The following DIP2C variants were observed in gnomAD, a reference collection of about 807,000 sequenced individuals.
DIP2C encodes disco-interacting protein 2 homolog C.
DIP2C carries 33 observed loss-of-function variants against 192.4 expected under a neutral mutation model. That is an observed-to-expected ratio of 0.17 (90% confidence interval 0.13 to 0.23). DIP2C has a LOEUF of 0.23. Among genes scored for constraint, DIP2C ranks in the 10% least tolerant of loss-of-function variants. The pLI is 1.00. For synonymous variants in DIP2C, 979 were observed against 864.1 expected (o/e 1.13, Z -2.33); for missense variants, 1,537 against 2,110.1 (o/e 0.73, Z 5.32).
intron 1 of DIP2C, among the ~76,000 whole-genome samples, chr10:579,721 T>C (rs1192779782): frequency 1.3e-5 from 2 of 151,990 alleles, no homozygotes; most frequent in African/African-American, 2.4e-5. Flanking sequence ...CACACATCCA[T>C]ATCAATACAG....
At chr10:414,963 A>G (rs1255947222) in intron 7 of DIP2C, among the ~76,000 whole-genome samples, 2 of 142,604 alleles carry the variant, frequency 1.4e-5, no homozygotes, top group Non-Finnish European at 3.0e-5. Context: ...GCTGGTCTCG[A>G]ACTCCCAGGC....
chr10:419,853 G>GT (rs1966058913), intron 5 of DIP2C, among the ~76,000 whole-genome samples: 5 of 152,290 alleles, frequency 3.3e-5, no homozygotes, highest in African/African-American at 1.2e-4. Context: ...TAAGGCCAAT[G>GT]AGCGCGTGGA....
At chr10:344,767 G>C (rs368232992) in intron 28 of DIP2C, 42 bp downstream of exon 28, 1 of 1,526,458 alleles carries the variant, frequency 6.6e-7, no homozygotes, top group East Asian at 2.4e-5. Context: ...AGCACGCTCC[G>C]CAGTTGCCTC....
intron 1 of DIP2C, among the ~76,000 whole-genome samples, chr10:678,496 G>A (rs1001186163): frequency 4.0e-5 from 6 of 151,896 alleles, no homozygotes; most frequent in African/African-American, 9.7e-5. Context: ...CCCAGCACCC[G>A]TCCTCCCCGC....
chr10:428,188 C>CTAAGATCA (rs1966719858), intron 4 of DIP2C, among the ~76,000 whole-genome samples: 1 of 152,154 alleles, frequency 6.6e-6, no homozygotes, highest in South Asian at 2.1e-4. Flanking sequence ...TCATAAAAAA[C>CTAAGATCA]TAAAAACCAT....
chr10:545,010 C>T (rs1347751662), intron 1 of DIP2C, among the ~76,000 whole-genome samples: 1 of 152,070 alleles, frequency 6.6e-6, no homozygotes, highest in East Asian at 1.9e-4. Flanking sequence ...GGATTCTCCC[C>T]TAAGGGTGTA....
At chr10:607,668 A>G (rs1442200073) in intron 1 of DIP2C, among the ~76,000 whole-genome samples, 2 of 152,204 alleles carry the variant, frequency 1.3e-5, no homozygotes, top group Non-Finnish European at 2.9e-5. Flanking sequence ...CAAACGATGC[A>G]ATGAGTGTGA....
At chr10:472,307 G>C (rs1970694744) in intron 3 of DIP2C, 132 bp downstream of exon 3, 1 of 709,304 alleles carries the variant, frequency 1.4e-6, no homozygotes, top group African/African-American at 1.8e-5. Flanking sequence ...TGTCCGTGCA[G>C]AAAGCTGGAG....
intron 3 of DIP2C, among the ~76,000 whole-genome samples, chr10:468,887 TC>T (rs1409789459): frequency 2.0e-5 from 3 of 152,240 alleles, no homozygotes; most frequent in Non-Finnish European, 4.4e-5. Context: ...AGGACTGTCT[TC>T]CTAATCGTTC....
intron 1 of DIP2C, among the ~76,000 whole-genome samples, chr10:654,447 T>C (rs1436262706): frequency 1.3e-5 from 2 of 152,216 alleles, no homozygotes; most frequent in African/African-American, 2.4e-5. Flanking sequence ...CTTCCTACAA[T>C]GCACAGTATT....
chr10:632,863 C>G (rs7392785), intron 1 of DIP2C, among the ~76,000 whole-genome samples: 1 of 16,710 alleles, frequency 6.0e-5, no homozygotes, highest in Non-Finnish European at 2.5e-4. Context: ...CTGGAGACCA[C>G]GCGGGCACCG....
rs750988716 is a variant in DIP2C, at chr10:382,721, T to C, written c.1917A>G (p.Gln639=). 6.2e-7 allele frequency: 1 copy of C among 1,613,546 alleles called. No individual in the cohort carries two copies. The highest frequency in any genetic ancestry group is 1.3e-5 in the African/African-American group (1 of 74,894). Residue 639 remains glutamine (Q), a synonymous_variant, in exon 17 of 37, where the codon CAA becomes CAG. Coordinates refer to ENST00000280886, the MANE Select transcript of DIP2C (RefSeq NM_014974.3). The stretch of plus-strand genomic sequence containing the variant: ...TGACCTCCTGTCGAAGGCCTTTACT[T>C]TGGAAGACATTGAGAAATGCATCGC... ...SSCDAFLNVF[Q]SKGLRQEVIC... is the part of the protein sequence containing the mutation.
chr10:541,928 C>T (rs1564832910), intron 1 of DIP2C, among the ~76,000 whole-genome samples: 1 of 151,940 alleles, frequency 6.6e-6, no homozygotes, highest in South Asian at 2.1e-4. Context: ...CAACAATCCG[C>T]TGTGTGCCTG....
chr10:440,081 T>C (rs1967604615), intron 4 of DIP2C, among the ~76,000 whole-genome samples: 1 of 152,238 alleles, frequency 6.6e-6, no homozygotes, highest in Admixed American at 6.5e-5. Flanking sequence ...AACTACACTT[T>C]CTGCTTTACT....
intron 32 of DIP2C, among the ~76,000 whole-genome samples, chr10:294,015 G>A (rs1955622535): frequency 1.3e-5 from 2 of 152,206 alleles, no homozygotes; most frequent in Admixed American, 6.5e-5. Context: ...CACAAATGAA[G>A]TACCAAAGCA....
chr10:616,562 G>A lies in DIP2C; in HGVS notation c.85+72932C>T, dbSNP rs531399832. Among the ~76,000 whole-genome samples, 3 of 152,290 alleles carry A rather than the reference G, an allele frequency of 2.0e-5. No individual in the cohort carries two copies. The East Asian group carries it at 5.8e-4, about 29-fold the overall frequency. On this transcript the variant is annotated intron_variant, in intron 1 of 36. Transcript: ENST00000280886. ...AGCCCCCAGACCAGGAATCAAGTCTGAGCCCCAACAGCCCCTCGCCCAGCC... is the reference window on the plus strand; with the variant it reads ...AGCCCCCAGACCAGGAATCAAGTCTAAGCCCCAACAGCCCCTCGCCCAGCC...
At chr10:427,663 A>G (rs976434116) in intron 4 of DIP2C, among the ~76,000 whole-genome samples, 10 of 152,260 alleles carry the variant, frequency 6.6e-5, no homozygotes, top group African/African-American at 9.6e-5. Flanking sequence ...TAAGCACATT[A>G]AAAGATGCTT....
rs1359170861 is a variant in DIP2C at position 417,733 on chromosome 10, C to T, written c.739+1332G>A. Among the ~76,000 whole-genome samples, 168 of 126,532 alleles carry T rather than the reference C, an allele frequency of 1.3e-3. 5 individuals are homozygous for T. The highest frequency in any genetic ancestry group is 2.9e-3 in the African/African-American group (90 of 30,590). 83.0% of individuals were successfully genotyped at this position (126,532 alleles called of 152,430 possible). On this transcript the variant is annotated intron_variant, in intron 6 of 36. Transcript: ENST00000280886. ...TCAAATAGGCCTCCCTGTCTGCCTG[C>T]GCCTGTCAGGGCTCGGATAGGCATC...
At chr10:308,171 T>C (rs1341489899) in intron 32 of DIP2C, among the ~76,000 whole-genome samples, 2 of 152,210 alleles carry the variant, frequency 1.3e-5, no homozygotes, top group South Asian at 2.1e-4. Context: ...CTTCTTTGTA[T>C]GTAAAATGCC....
Sources: allele counts gnomAD v4.1 joint callset (sites outside exome capture counted in the v4.1 genomes callset), GRCh38; gene constraint gnomAD v4.1.1; transcripts MANE v1.5; gene names NCBI Gene and HGNC (gene_info 2026-07-23, HGNC 2026-07-21).